FAT1: variants seen among roughly 807,000 people sequenced by gnomAD.
FAT1 encodes FAT atypical cadherin 1, also known as protocadherin Fat 1.
Under a neutral mutation model 329.8 loss-of-function variants are expected in FAT1, and 171 were observed. The observed-to-expected ratio is 0.52, with a 90% confidence interval of 0.46 to 0.59. The LOEUF (loss-of-function observed/expected upper bound fraction) is 0.59, where lower values mean the gene tolerates loss of function less well. Among genes scored for constraint, FAT1 ranks in the 20% least tolerant of loss-of-function variants. The pLI is 0.00. For synonymous variants in FAT1, 2,233 were observed against 2,228.6 expected (o/e 1.00, Z -0.06); for missense variants, 5,672 against 5,774.4 (o/e 0.98, Z 0.57).
intron 2 of FAT1, among the ~76,000 whole-genome samples, chr4:186,664,577 T>C (rs892070788): frequency 2.6e-5 from 4 of 152,246 alleles, no homozygotes; most frequent in Admixed American, 1.3e-4. Context: ...GTATCTGTAA[T>C]GTTTTGGTCC....
At chr4:186,686,522 A>C (rs1293053481) in intron 2 of FAT1, among the ~76,000 whole-genome samples, 1 of 152,160 alleles carries the variant, frequency 6.6e-6, no homozygotes, top group Non-Finnish European at 1.5e-5. Context: ...CCTCTGCCTC[A>C]ATACAAATCT....
chr4:186,606,151 C>T lies in FAT1; in HGVS notation c.10269G>A (p.Thr3423=), dbSNP rs759412337. 37 of 1,613,184 alleles carry T rather than the reference C, an allele frequency of 2.3e-5. No homozygotes were observed. The highest frequency in any genetic ancestry group is 1.7e-4 in the Middle Eastern group (1 of 6,046). ...SDNGSPPRVN[T]TTVNIDVSDV... The stretch of plus-strand genomic sequence containing the variant: ...CGGACACATCGATGTTCACGGTCGT[C>T]GTGTTGACTCTGGGTGGACTGCCAT... Residue 3423 remains threonine, a synonymous_variant, in exon 17 of 27, where the codon ACG becomes ACA. Transcript: ENST00000441802.
intron 9 of FAT1, among the ~76,000 whole-genome samples, chr4:186,626,451 A>G (rs538666092): frequency 1.6e-5 from 1 of 64,258 alleles, no homozygotes; most frequent in East Asian, 8.0e-4. Flanking sequence ...TGAATGAATG[A>G]ATGAGGGACC....
At chr4:186,611,173 T>G (rs1019557538) in intron 14 of FAT1, among the ~76,000 whole-genome samples, 1 of 152,220 alleles carries the variant, frequency 6.6e-6, no homozygotes, top group African/African-American at 2.4e-5. Flanking sequence ...TATTTTATAA[T>G]GAACATGCCC....
At chr4:186,658,710 T>C (rs1371709473) in intron 3 of FAT1, among the ~76,000 whole-genome samples, 2 of 152,152 alleles carry the variant, frequency 1.3e-5, no homozygotes, top group African/African-American at 4.8e-5. Flanking sequence ...CATGAAAACA[T>C]CTCCTACCTC....
intron 7 of FAT1, among the ~76,000 whole-genome samples, chr4:186,630,104 T>C (rs1740517794): frequency 1.3e-5 from 2 of 152,198 alleles, no homozygotes; most frequent in Admixed American, 1.3e-4. Context: ...AATGCTTGCC[T>C]GGGTGTGAAA....
chr4:186,636,645 C>T lies in FAT1; in HGVS notation c.3912G>A (p.Pro1304=), dbSNP rs367959722. ...GNEHGKFFIE[P]KTGVVSSKRF... The stretch of plus-strand genomic sequence containing the variant: ...TCTTGGACGAAACCACTCCAGTTTT[C>T]GGTTCGATGAAAAATTTGCCATGCT... The change falls in exon 5 of 27, where the codon CCG becomes CCA. Residue 1304 remains proline, a synonymous_variant. Transcript: ENST00000441802. 323 of 1,613,898 alleles carry T rather than the reference C, an allele frequency of 2.0e-4. No individual in the cohort carries two copies. The African/African-American group carries it at 2.7e-3, about 14-fold the overall frequency.
At chr4:186,692,703 G>A (rs1254096648) in intron 2 of FAT1, among the ~76,000 whole-genome samples, 1 of 151,482 alleles carries the variant, frequency 6.6e-6, no homozygotes, top group Non-Finnish European at 1.5e-5. Flanking sequence ...TCATTTCGGT[G>A]TCTATTTCCA....
At chr4:186,692,061 TC>T (rs140172746) in intron 2 of FAT1, among the ~76,000 whole-genome samples, 27 of 151,906 alleles carry the variant, frequency 1.8e-4, no homozygotes, top group Admixed American at 5.3e-4. Context: ...TTGTTTTTCT[TC>T]CCCCCCATGT....
At chr4:186,597,247 T>C (rs1738577364) in intron 24 of FAT1, 76 bp from the exon 25 acceptor site, 2 of 1,404,134 alleles carry the variant, frequency 1.4e-6, no homozygotes, top group Middle Eastern at 1.8e-4. Flanking sequence ...CCTTAGAGAC[T>C]GAAGACTAAT....
chr4:186,694,450 G>A (rs1362116531), intron 2 of FAT1, among the ~76,000 whole-genome samples: 1 of 152,176 alleles, frequency 6.6e-6, no homozygotes, highest in Non-Finnish European at 1.5e-5. Context: ...TTCCTAAGTA[G>A]CAAGAAGAGT....
chr4:186,711,763 T>C (rs1228797742), intron 1 of FAT1, among the ~76,000 whole-genome samples: 1 of 151,980 alleles, frequency 6.6e-6, no homozygotes, highest in East Asian at 1.9e-4. Context: ...CTACTAAAAA[T>C]ACAAAAATTA....
At chr4:186,644,253 CTCA>C in intron 3 of FAT1, among the ~76,000 whole-genome samples, 1 of 152,148 alleles carries the variant, frequency 6.6e-6, no homozygotes, top group Admixed American at 6.5e-5. Flanking sequence ...CCAGGAATGA[CTCA>C]TCATTAGTCA....
At chr4:186,710,612 GT>G in intron 1 of FAT1, among the ~76,000 whole-genome samples, 1 of 152,154 alleles carries the variant, frequency 6.6e-6, no homozygotes, top group Non-Finnish European at 1.5e-5. Flanking sequence ...TCCTCTCTAA[GT>G]CAGTGAAGCA....
chr4:186,620,587 A>G lies in FAT1; in HGVS notation c.5999T>C (p.Val2000Ala), dbSNP rs1560942861. ...ENSTEAETLA[V>A]ITAIGNPINE... is the part of the protein sequence containing the mutation. ...GATTGGATTCCCAATAGCAGTAATG[A>G]CAGCTAATGTTTCGGCCTCGGTGGA... Residue 2000 changes from valine (V) to alanine (A), a missense_variant, in exon 10 of 27, where the codon GTC becomes GCC. Around this residue, in one of 2 missense-constraint regions of FAT1, gnomAD observed 3,966 missense variants for 3,915.2 expected, o/e 1.01. Transcript: ENST00000441802. 1 of 1,614,022 alleles carries G rather than the reference A, an allele frequency of 6.2e-7. No individual in the cohort carries two copies. The highest frequency in any genetic ancestry group is 8.5e-7 in the Non-Finnish European group (1 of 1,179,890).
intron 2 of FAT1, among the ~76,000 whole-genome samples, chr4:186,664,523 C>T (rs139070336): frequency 1.8e-4 from 28 of 152,250 alleles, no homozygotes; most frequent in South Asian, 6.2e-4. Flanking sequence ...AGTAAGTCAA[C>T]TAGCAAGAGA....
At chr4:186,705,395 A>G (rs1166251065) in intron 2 of FAT1, among the ~76,000 whole-genome samples, 12 of 152,170 alleles carry the variant, frequency 7.9e-5, no homozygotes, top group Admixed American at 7.9e-4. Context: ...AGGTAATTTT[A>G]AAAAGGTCCC....
rs761917608 is a variant in FAT1, at chr4:186,707,015, T to C, written c.2813A>G (p.Glu938Gly). The part of the protein sequence containing the change: ...IPPNYRVKVR[E>G]DLPEGTVIMW... ...GATGACGGTTCCTTCTGGAAGATCC[T>C]CTCGGACTTTCACACGATAATTAGG... Residue 938 changes from glutamate (E) to glycine (G), a missense_variant, in exon 2 of 27, where the codon GAG becomes GGG. By Grantham distance (98) the Glu-to-Gly change is moderately conservative (BLOSUM62 -2). Transcript: ENST00000441802. The C allele has an allele frequency of 5.5e-5, 88 of 1,613,888 alleles. 1 individual carries two copies. The highest frequency in any genetic ancestry group is 9.9e-5 in the South Asian group (9 of 91,076).
chr4:186,683,094 C>T (rs749291032), intron 2 of FAT1, among the ~76,000 whole-genome samples: 2 of 152,174 alleles, frequency 1.3e-5, no homozygotes, highest in Non-Finnish European at 2.9e-5. Flanking sequence ...ACCATACAAG[C>T]TTGTGTTTCA....
Sources: gnomAD v4.1 joint callset for allele counts (sites outside exome capture counted in the v4.1 genomes callset) on GRCh38, gnomAD v4.1.1 for gene constraint, gnomAD v4.1.1 regional missense constraint, MANE v1.5 for transcripts, NCBI Gene and HGNC (gene_info 2026-07-23, HGNC 2026-07-21) for gene names.